The following PRKCE variants were observed in gnomAD, a reference collection of about 807,000 sequenced individuals.
The protein encoded by PRKCE is protein kinase C epsilon.
PRKCE carries 16 observed loss-of-function variants against 85.4 expected under a neutral mutation model. The ratio of observed to expected loss-of-function variants is 0.19; its 90% CI spans 0.13 to 0.28. The LOEUF (loss-of-function observed/expected upper bound fraction) is 0.28. Ranked by LOEUF, PRKCE falls within the 10% of genes least tolerant of loss-of-function variation. PRKCE has a pLI of 1.00. For synonymous variants in PRKCE, 388 were observed against 371.5 expected, an observed-to-expected ratio of 1.04 and a Z score of -0.51; for missense variants, 573 against 975.2, an observed-to-expected ratio of 0.59 and a Z score of 5.49.
intron 1 of PRKCE, among the ~76,000 whole-genome samples, chr2:45,680,176 A>C (rs1676778360): frequency 6.6e-6 from 1 of 152,232 alleles, no homozygotes; most frequent in Admixed American, 6.5e-5. Flanking sequence ...AAATAATGAC[A>C]TGATGGTTTG....
chr2:45,915,536 T>G (rs530957033), intron 2 of PRKCE, among the ~76,000 whole-genome samples: 10 of 152,192 alleles, frequency 6.6e-5, no homozygotes, highest in African/African-American at 2.4e-4. Flanking sequence ...TTTGGGTCTT[T>G]CCAGGAGCAA....
intron 1 of PRKCE, among the ~76,000 whole-genome samples, chr2:45,744,400 T>C (rs1024420427): frequency 2.0e-5 from 3 of 151,470 alleles, no homozygotes; most frequent in Admixed American, 6.6e-5. Flanking sequence ...CTGGTCTTTC[T>C]CTCTTTCTTT....
At chr2:45,850,758 A>G (rs1304868833) in intron 2 of PRKCE, among the ~76,000 whole-genome samples, 1 of 152,182 alleles carries the variant, frequency 6.6e-6, no homozygotes, top group East Asian at 1.9e-4. Context: ...GTGTGAGCTC[A>G]TAGGGGCCAG....
chr2:45,913,917 A>G (rs1320694417), intron 2 of PRKCE, among the ~76,000 whole-genome samples: 3 of 152,148 alleles, frequency 2.0e-5, no homozygotes, highest in Admixed American at 1.3e-4. Context: ...CTGTTCCTCA[A>G]GTCTTAGAAA....
At chr2:45,658,870 G>T (rs534288) in intron 1 of PRKCE, among the ~76,000 whole-genome samples, 104,236 of 152,082 alleles carry the variant, frequency 0.69, 35,776 homozygotes, top group Admixed American at 0.75. Flanking sequence ...ATTGCCCTTT[G>T]GAAGATAATA....
At chr2:46,142,043 G>C (rs1407424347) in intron 11 of PRKCE, among the ~76,000 whole-genome samples, 1 of 152,174 alleles carries the variant, frequency 6.6e-6, no homozygotes, top group Non-Finnish European at 1.5e-5. Context: ...AGACTCCTGG[G>C]GCAGGAATGA....
chr2:45,949,678 G>A (rs1390321338), intron 2 of PRKCE, among the ~76,000 whole-genome samples: 1 of 151,594 alleles, frequency 6.6e-6, no homozygotes, highest in African/African-American at 2.4e-5. Flanking sequence ...TTTATGTTTT[G>A]CTTTTTGCAC....
At chr2:45,693,446 G>A (rs756387213) in intron 1 of PRKCE, among the ~76,000 whole-genome samples, 10 of 152,176 alleles carry the variant, frequency 6.6e-5, no homozygotes, top group Non-Finnish European at 1.5e-4. Flanking sequence ...TGGAGAGAAA[G>A]TGGACAGAAG....
intron 1 of PRKCE, among the ~76,000 whole-genome samples, chr2:45,767,354 A>T (rs536465858): frequency 6.6e-6 from 1 of 152,376 alleles, no homozygotes; most frequent in South Asian, 2.1e-4. Flanking sequence ...GGCAATTTTA[A>T]GTACTTTCAG....
chr2:45,873,471 A>C (rs923009553), intron 2 of PRKCE, among the ~76,000 whole-genome samples: 1 of 152,008 alleles, frequency 6.6e-6, no homozygotes, highest in Non-Finnish European at 1.5e-5. Context: ...AAAAAAAAAA[A>C]AAAAACAAAA....
chr2:45,859,716 T>A (rs984775443), intron 2 of PRKCE, among the ~76,000 whole-genome samples: 1 of 152,216 alleles, frequency 6.6e-6, no homozygotes. Context: ...TAGATAATCT[T>A]TTCATTCTAT....
intron 10 of PRKCE, among the ~76,000 whole-genome samples, chr2:46,074,429 C>CAAAAAAAAAAAAAAAAAAAAAAAAAACCA (rs11287357): frequency 6.4e-5 from 6 of 93,854 alleles, no homozygotes; most frequent in Admixed American, 1.2e-4. Context: ...CAACAACAAC[C>CAAAAAAAAAAAAAAAAAAAAAAAAAACCA]AAAAAAAAAA....
intron 2 of PRKCE, among the ~76,000 whole-genome samples, chr2:45,901,813 C>T (rs967865730): frequency 6.6e-6 from 1 of 152,210 alleles, no homozygotes; most frequent in African/African-American, 2.4e-5. Flanking sequence ...CTGTACCGTG[C>T]TGGCCTTGGT....
In PRKCE at chr2:45,756,379, A is replaced by C. The variant is rs1468042; in HGVS notation, c.349-86621A>C. Among the ~76,000 whole-genome samples, 6 of 152,140 alleles carry C rather than the reference A, an allele frequency of 3.9e-5. No individual in the cohort carries two copies. The East Asian group carries it at 9.7e-4, about 25-fold the overall frequency. ...ATTAGAGAGGATGGGAAAGTACAAA[A>C]CTTCAGATGTAGAAAAAGTTTGATC... On this transcript the variant is annotated intron_variant, in intron 1 of 14. Transcript: ENST00000306156.
intron 2 of PRKCE, among the ~76,000 whole-genome samples, chr2:45,847,439 C>T (rs1691885634): frequency 6.6e-6 from 1 of 152,222 alleles, no homozygotes; most frequent in African/African-American, 2.4e-5. Flanking sequence ...AATCTTAACT[C>T]AACTTTGCAA....
chr2:46,106,042 T>C (rs77990274), intron 11 of PRKCE, among the ~76,000 whole-genome samples: 1 of 152,222 alleles, frequency 6.6e-6, no homozygotes, highest in African/African-American at 2.4e-5. Context: ...ACCTAACTTG[T>C]GCTTAACTTT....
intron 1 of PRKCE, among the ~76,000 whole-genome samples, chr2:45,703,023 C>CT (rs1553382495): frequency 6.6e-6 from 1 of 150,552 alleles, no homozygotes; most frequent in East Asian, 2.0e-4. Flanking sequence ...GCCTTTTTTC[C>CT]CCCCCCGTCA....
At chr2:45,757,305 C>CAA (rs35603923) in intron 1 of PRKCE, among the ~76,000 whole-genome samples, 18 of 50,806 alleles carry the variant, frequency 3.5e-4, no homozygotes, top group Admixed American at 5.9e-4. Context: ...AGACTGTCTC[C>CAA]AAAAAAAAAA....
chr2:46,005,166 G>A (rs1705068349), intron 8 of PRKCE, among the ~76,000 whole-genome samples: 1 of 152,220 alleles, frequency 6.6e-6, no homozygotes, highest in Non-Finnish European at 1.5e-5. Flanking sequence ...GAGAAAAGAA[G>A]TGGGAAGGAG....
Sources: allele counts gnomAD v4.1 joint callset (sites outside exome capture counted in the v4.1 genomes callset), GRCh38; gene constraint gnomAD v4.1.1; transcripts MANE v1.5; gene names NCBI Gene and HGNC (gene_info 2026-07-23, HGNC 2026-07-21).